NCAM2: variants seen among roughly 807,000 people sequenced by gnomAD.
The protein encoded by NCAM2 is neural cell adhesion molecule 2.
In NCAM2, 30 loss-of-function variants were observed where a neutral mutation model predicts 98.1. The observed-to-expected ratio is 0.31, with a 90% CI of 0.23 to 0.41. The LOEUF (loss-of-function observed/expected upper bound fraction) is 0.41, where lower values mean the gene tolerates loss of function less well. Ranked by LOEUF, NCAM2 falls within the 10% of genes least tolerant of loss-of-function variation. The pLI is 1.00. For synonymous variants in NCAM2, 368 were observed against 342.4 expected (o/e 1.07, Z -0.83); for missense variants, 867 against 1,005.8 (o/e 0.86, Z 1.87).
chr21:21,304,614 G>A (rs2073825080), intron 5 of NCAM2, among the ~76,000 whole-genome samples: 1 of 151,942 alleles, frequency 6.6e-6, no homozygotes, highest in African/African-American at 2.4e-5. Flanking sequence ...ATTAATTTTA[G>A]AATCAAGCTT....
At chr21:21,094,948 T>G (rs769790232) in intron 1 of NCAM2, among the ~76,000 whole-genome samples, 1 of 151,748 alleles carries the variant, frequency 6.6e-6, no homozygotes, top group African/African-American at 2.4e-5. Context: ...GAGTTTTAAG[T>G]TCCTCTGAAC....
At chr21:21,009,866 C>T (rs2064175352) in intron 1 of NCAM2, among the ~76,000 whole-genome samples, 1 of 123,900 alleles carries the variant, frequency 8.1e-6, no homozygotes, top group African/African-American at 2.8e-5. Context: ...CAAAAATCCT[C>T]CTTTGGCCTC....
Position 21,361,131 on chromosome 21 carries a change from C to T in NCAM2, c.1045-12732C>T, listed in dbSNP as rs549735861. On this transcript the variant is annotated intron_variant, in intron 8 of 17. Transcript: ENST00000400546. ...TTTTCATGTGGAGTCTGGATTTCATCCACTCTAACATCAGTCCAGTAATTC... is the reference window on the plus strand; with the variant it reads ...TTTTCATGTGGAGTCTGGATTTCATTCACTCTAACATCAGTCCAGTAATTC... Among the ~76,000 whole-genome samples the T allele has an allele frequency of 3.9e-4, 60 of 152,168 alleles. No homozygotes were observed. The South Asian group carries it at 0.012, about 32-fold the overall frequency.
intron 16 of NCAM2, among the ~76,000 whole-genome samples, chr21:21,533,782 T>A (rs1417140774): frequency 6.6e-6 from 1 of 151,916 alleles, no homozygotes; most frequent in East Asian, 1.9e-4. Flanking sequence ...GTTGTTCAGT[T>A]GTGAGGCATG....
intron 10 of NCAM2, among the ~76,000 whole-genome samples, chr21:21,416,494 GAAA>G (rs548650184): frequency 7.5e-6 from 1 of 132,800 alleles, no homozygotes; most frequent in Admixed American, 7.8e-5. Flanking sequence ...TTCAATTTGT[GAAA>G]AAAAAAAAGA....
At chr21:21,403,997 T>C (rs915285966) in intron 9 of NCAM2, among the ~76,000 whole-genome samples, 5 of 151,570 alleles carry the variant, frequency 3.3e-5, no homozygotes, top group African/African-American at 1.2e-4. Flanking sequence ...ATCATAATAC[T>C]GTTAAAATTT....
Position 21,105,320 on chromosome 21 carries a change from T to C in NCAM2, c.55+106702T>C, listed in dbSNP as rs144992831. ...CATGTAACATTATTTGACTTTGTTT[T>C]AAATAAAAATGAATCAATTATGGAG... On this transcript the variant is annotated intron_variant, in intron 1 of 17. Coordinates refer to ENST00000400546, the MANE Select transcript of NCAM2 (RefSeq NM_004540.5). Among the ~76,000 whole-genome samples, 640 of 152,228 alleles carry C rather than the reference T, an allele frequency of 4.2e-3. 6 individuals are homozygous for C. The highest frequency in any genetic ancestry group is 0.015 in the African/African-American group (611 of 41,554).
chr21:21,504,685 G>A (rs1987862061), intron 15 of NCAM2, among the ~76,000 whole-genome samples: 2 of 151,476 alleles, frequency 1.3e-5, no homozygotes, highest in African/African-American at 4.8e-5. Flanking sequence ...GAAAGTATAA[G>A]CATTTAAATA....
At chr21:21,529,215 C>A (rs888808019) in intron 16 of NCAM2, among the ~76,000 whole-genome samples, 1 of 152,004 alleles carries the variant, frequency 6.6e-6, no homozygotes, top group African/African-American at 2.4e-5. Flanking sequence ...ACCCGCTCCT[C>A]AATTTTAGCT....
intron 6 of NCAM2, among the ~76,000 whole-genome samples, chr21:21,329,777 C>T (rs909334410): frequency 6.6e-6 from 1 of 152,020 alleles, no homozygotes; most frequent in East Asian, 1.9e-4. Flanking sequence ...CCAGTGAAAC[C>T]ATCCATGTCA....
rs1399540785 is a variant in NCAM2, at chr21:21,515,286, AT to A, written c.2282+6233del. Among the ~76,000 whole-genome samples the A allele has an allele frequency of 2.0e-5, 3 of 152,178 alleles. No homozygotes were observed. In the East Asian group the frequency reaches 5.8e-4, roughly 29 times the overall value. On this transcript the variant is annotated intron_variant, in intron 16 of 17. Coordinates refer to ENST00000400546, the MANE Select transcript of NCAM2 (RefSeq NM_004540.5). ...GTTCTGCACGAGTCCAAAGAGGGCTATTCATGAGGGTCATGACACCACTTGA... is the reference window on the plus strand; with the variant it reads ...GTTCTGCACGAGTCCAAAGAGGGCTATCATGAGGGTCATGACACCACTTGA...
At chr21:21,440,333 G>C (rs764922159) in intron 12 of NCAM2, among the ~76,000 whole-genome samples, 1 of 151,978 alleles carries the variant, frequency 6.6e-6, no homozygotes, top group Non-Finnish European at 1.5e-5. Context: ...AAACTACAGA[G>C]TTTATTATGA....
chr21:21,073,293 A>G (rs2065611387), intron 1 of NCAM2, among the ~76,000 whole-genome samples: 1 of 152,144 alleles, frequency 6.6e-6, no homozygotes, highest in African/African-American at 2.4e-5. Context: ...TAGTTCTACC[A>G]CTGAAAACAC....
Position 21,509,012 on chromosome 21 carries a change from A to G in NCAM2, c.2239A>G (p.Ser747Gly). Residue 747 changes from serine to glycine, a missense_variant, in exon 16 of 18, where the codon AGT becomes GGT. Physicochemically the swap from Ser to Gly is moderately conservative, Grantham distance 56 (BLOSUM62 0). Around this residue, in one of 5 missense-constraint regions of NCAM2, gnomAD observed 125 missense variants for 116.1 expected, o/e 1.08. Transcript: ENST00000400546. ...RRMCGKKSGS[S>G]GKSKELEEGK... ...AATGTGTGGAAAGAAAAGTGGCTCC[A>G]GTGGCAAAAGTAAAGAACTCGAAGA... 6.2e-7 allele frequency: 1 copy of G among 1,613,408 alleles called. No individual in the cohort carries two copies. Among genetic ancestry groups the G allele is most frequent in the African/African-American group, 1.3e-5 (1 of 74,932 alleles).
chr21:21,137,983 C>T (rs2067094209), intron 1 of NCAM2, among the ~76,000 whole-genome samples: 1 of 152,022 alleles, frequency 6.6e-6, no homozygotes, highest in Non-Finnish European at 1.5e-5. Context: ...AACGGTGTTT[C>T]ATTAGACTCA....
At chr21:21,162,457 CTT>C (rs1169544868) in intron 1 of NCAM2, among the ~76,000 whole-genome samples, 2 of 152,022 alleles carry the variant, frequency 1.3e-5, no homozygotes, top group East Asian at 3.8e-4. Context: ...GTGCTTAAAA[CTT>C]TGTTTAAATA....
chr21:21,074,244 T>C (rs185103222), intron 1 of NCAM2, among the ~76,000 whole-genome samples: 197 of 152,158 alleles, frequency 1.3e-3, no homozygotes, highest in African/African-American at 4.7e-3. Flanking sequence ...AATTATGATG[T>C]ATAATATAAT....
At chr21:21,450,766 C>A (rs1399568892) in intron 12 of NCAM2, among the ~76,000 whole-genome samples, 1 of 144,032 alleles carries the variant, frequency 6.9e-6, no homozygotes, top group East Asian at 2.0e-4. Flanking sequence ...ATTCCTCCTC[C>A]CCATCATGTA....
Position 21,310,694 on chromosome 21 carries a change from A to G in NCAM2, c.620-13689A>G, listed in dbSNP as rs140743087. ...CATGTTTGTTTTCAAGTTAACATAC[A>G]GTAAAATTCACTTTTTTAATTGTAG... On this transcript the variant is annotated intron_variant, in intron 5 of 17. Transcript: ENST00000400546. Among the ~76,000 whole-genome samples, 1,146 of 152,284 alleles carry G rather than the reference A, an allele frequency of 7.5e-3. 32 individuals are homozygous for G. Among genetic ancestry groups the G allele is most frequent in the Admixed American group, 0.058 (884 of 15,280 alleles).
Sources: gnomAD v4.1 joint callset for allele counts (sites outside exome capture counted in the v4.1 genomes callset) on GRCh38, gnomAD v4.1.1 for gene constraint, gnomAD v4.1.1 regional missense constraint, MANE v1.5 for transcripts, NCBI Gene and HGNC (gene_info 2026-07-23, HGNC 2026-07-21) for gene names.